FKTN: variants seen among roughly 807,000 people sequenced by gnomAD.
FKTN encodes the protein ribitol-5-phosphate transferase FKTN.
FKTN carries 47 observed loss-of-function variants against 58.6 expected under a neutral mutation model. That is an observed-to-expected ratio of 0.80 (90% CI 0.63 to 1.02). The LOEUF is 1.02. Ranked by LOEUF, FKTN falls within the 50% of genes least tolerant of loss-of-function variation. The pLI is 0.00. For synonymous variants in FKTN, 178 were observed against 191.9 expected, an observed-to-expected ratio of 0.93 and a Z score of 0.60; for missense variants, 516 against 537.3, an observed-to-expected ratio of 0.96 and a Z score of 0.39.
At chr9:105,621,970 A>G (rs1832045374) in intron 10 of FKTN, among the ~76,000 whole-genome samples, 1 of 152,108 alleles carries the variant, frequency 6.6e-6, no homozygotes, top group Non-Finnish European at 1.5e-5. Context: ...GAATATAAGC[A>G]TATTTCAATT....
intron 10 of FKTN, among the ~76,000 whole-genome samples, chr9:105,630,937 A>T (rs1356029918): frequency 6.6e-6 from 1 of 152,162 alleles, no homozygotes; most frequent in Non-Finnish European, 1.5e-5. Flanking sequence ...GGTCAAGACC[A>T]GACTGGCCAA....
At chr9:105,585,724 A>G (rs1843783403) in intron 3 of FKTN, among the ~76,000 whole-genome samples, 1 of 152,222 alleles carries the variant, frequency 6.6e-6, no homozygotes, top group Non-Finnish European at 1.5e-5. Flanking sequence ...CTGTTGTTCA[A>G]TGAGCAGTGT....
rs983236086 is a variant in FKTN at position 105,640,666 on chromosome 9, AC to A, written c.*5405del. 1.3e-4 allele frequency: 20 copies of A among 152,242 alleles called. No homozygotes were observed. The highest frequency in any genetic ancestry group is 4.8e-4 in the African/African-American group (20 of 41,552). The allele number at this position is 152,242 out of a possible 1,614,324, so 9.4% of individuals were successfully genotyped here. ...AACCTAATACAGAGATTTTGTAGGG[AC>A]CCATTAACAAGCTCCTATATAATTA... On this transcript the variant is annotated 3_prime_UTR_variant, in exon 11 of 11. Transcript: ENST00000357998.
chr9:105,560,495 T>A (rs1838088386), intron 1 of FKTN, among the ~76,000 whole-genome samples: 2 of 152,218 alleles, frequency 1.3e-5, no homozygotes, highest in African/African-American at 4.8e-5. Flanking sequence ...ATAATTTTAC[T>A]TCTTATGAAA....
Position 105,636,359 on chromosome 9 carries a change from A to T in FKTN, c.*1095A>T, listed in dbSNP as rs1834033851. On this transcript the variant is annotated 3_prime_UTR_variant, in exon 11 of 11. Transcript: ENST00000357998. The stretch of plus-strand genomic sequence containing the variant: ...TTCTTCTCCTCTTCTAATATATCAG[A>T]TCTCCAAAATGGAAGCTAAATGGTG... 1.0e-6 allele frequency: 1 copy of T among 984,176 alleles called. No individual in the cohort carries two copies. Among genetic ancestry groups the T allele is most frequent in the East Asian group, 1.1e-4 (1 of 8,838 alleles). The allele number at this position is 984,176 out of a possible 1,614,324, so 61.0% of individuals were successfully genotyped here.
At chr9:105,606,709 T>TTCGC (rs1554754270) in intron 6 of FKTN, among the ~76,000 whole-genome samples, 1 of 147,796 alleles carries the variant, frequency 6.8e-6, no homozygotes, top group African/African-American at 2.5e-5. Flanking sequence ...TATATATGTT[T>TTCGC]TCTCTCTATC....
Position 105,640,477 on chromosome 9 carries a change from C to T in FKTN, c.*5213C>T, listed in dbSNP as rs529067884. ...CTGAGGCAGGAGAATCACTTGAACC[C>T]GGGAAGCAGAGTCTGCAGTGAGCCA... On this transcript the variant is annotated 3_prime_UTR_variant, in exon 11 of 11. Coordinates refer to ENST00000357998, the MANE Select transcript of FKTN (RefSeq NM_001079802.2). 1.3e-3 allele frequency: 229 copies of T among 171,364 alleles called. No individual in the cohort carries two copies. The highest frequency in any genetic ancestry group is 5.1e-3 in the African/African-American group (215 of 42,252). The allele number at this position is 171,364 out of a possible 1,614,324, so 10.6% of individuals were successfully genotyped here. A position where few individuals can be genotyped will look rare whatever the true frequency, so the allele number is the denominator to read the frequency against.
intron 1 of FKTN, among the ~76,000 whole-genome samples, chr9:105,572,963 C>T (rs752633378): frequency 1.8e-4 from 27 of 152,054 alleles, no homozygotes; most frequent in South Asian, 6.2e-4. Flanking sequence ...GACTGGGTGC[C>T]GTGGCTCATG....
chr9:105,617,808 G>A, intron 8 of FKTN, 151 bp from the exon 9 acceptor site: 1 of 582,860 alleles, frequency 1.7e-6, no homozygotes, highest in Non-Finnish European at 3.1e-6. Context: ...GATCACTTGA[G>A]CCAGGAGTTT....
intron 4 of FKTN, among the ~76,000 whole-genome samples, chr9:105,600,184 G>A (rs1453897891): frequency 6.6e-6 from 1 of 152,024 alleles, no homozygotes; most frequent in East Asian, 1.9e-4. Context: ...CTTGGCATTT[G>A]CATAATACTC....
In FKTN at chr9:105,607,960, CA is replaced by C. The variant is rs931791589; in HGVS notation, c.780+11del. On this transcript the variant is annotated intron_variant, in intron 7 of 10. Transcript: ENST00000357998. ...CTCGAGCATTCTTTCAGGTTAGAGA[CA>C]ACCAAATGTGTACTTTTAAATTAAA... 4 of 1,608,076 alleles carry C rather than the reference CA, an allele frequency of 2.5e-6. No homozygotes were observed. The highest frequency in any genetic ancestry group is 3.3e-5 in the Admixed American group (2 of 59,964).
chr9:105,593,169 T>C (rs1845215586), intron 3 of FKTN, among the ~76,000 whole-genome samples: 2 of 152,160 alleles, frequency 1.3e-5, no homozygotes, highest in South Asian at 4.1e-4. Flanking sequence ...CTCAGGAAAC[T>C]TAGAATCATG....
At chr9:105,589,263 C>T (rs903344448) in intron 3 of FKTN, among the ~76,000 whole-genome samples, 1 of 152,018 alleles carries the variant, frequency 6.6e-6, no homozygotes, top group Non-Finnish European at 1.5e-5. Context: ...TTTTGGAGGC[C>T]GAGGTGGGTG....
chr9:105,605,450 GAA>G (rs1828720781), intron 6 of FKTN, among the ~76,000 whole-genome samples: 1 of 152,022 alleles, frequency 6.6e-6, no homozygotes, highest in Non-Finnish European at 1.5e-5. Context: ...AGTAAGTTTG[GAA>G]ACTGTATTTA....
In FKTN at chr9:105,571,202, G is replaced by A. The variant is rs185115744; in HGVS notation, c.-180-2453G>A. ...GAGACAGGGACATCAGTTAAAATTA[G>A]GACATTAGGTACAATTAGAGTTTAG... is the stretch of plus-strand genomic sequence containing the variant. On this transcript the variant is annotated intron_variant, in intron 1 of 10. Transcript: ENST00000357998. Among the ~76,000 whole-genome samples, 3 of 152,228 alleles carry A rather than the reference G, an allele frequency of 2.0e-5. No homozygotes were observed. The East Asian group carries it at 5.8e-4, about 29-fold the overall frequency.
At chr9:105,578,993 A>G (rs62575117) in intron 3 of FKTN, among the ~76,000 whole-genome samples, 37,036 of 149,020 alleles carry the variant, frequency 0.25, 5,037 homozygotes, top group Non-Finnish European at 0.31. Context: ...TTTGTATTTC[A>G]GTGGGATCGG....
In FKTN at chr9:105,640,020, C is replaced by T; in HGVS notation, c.*4756C>T. 6.5e-7 allele frequency: 1 copy of T among 1,527,674 alleles called. No homozygotes were observed. The highest frequency in any genetic ancestry group is 8.8e-7 in the Non-Finnish European group (1 of 1,140,398). 94.6% of individuals were successfully genotyped at this position (1,527,674 alleles called of 1,614,324 possible). On this transcript the variant is annotated 3_prime_UTR_variant, in exon 11 of 11. Coordinates refer to ENST00000357998, the MANE Select transcript of FKTN (RefSeq NM_001079802.2). ...TTTAATTATCTATGCTGATGAATGC[C>T]TGTATCATTGTTAATAAAGGAGAAT...
At chr9:105,615,179 C>T in intron 7 of FKTN, 99 bp from the exon 8 acceptor site, 1 of 1,332,902 alleles carries the variant, frequency 7.5e-7, no homozygotes. Context: ...CCACTGTGCC[C>T]AGCCTGGGGT....
At chr9:105,627,786 CT>C (rs1205980940) in intron 10 of FKTN, among the ~76,000 whole-genome samples, 1 of 151,986 alleles carries the variant, frequency 6.6e-6, no homozygotes, top group Non-Finnish European at 1.5e-5. Context: ...TATTGGAGTA[CT>C]TTTGCTGATT....
Sources: gnomAD v4.1 joint callset for allele counts (sites outside exome capture counted in the v4.1 genomes callset) on GRCh38, gnomAD v4.1.1 for gene constraint, MANE v1.5 for transcripts, NCBI Gene and HGNC (gene_info 2026-07-23, HGNC 2026-07-21) for gene names.